The following CAMTA1 variants were observed in gnomAD, a reference collection of about 807,000 sequenced individuals.
CAMTA1 encodes the protein calmodulin-binding transcription activator 1.
Under a neutral mutation model 170.9 loss-of-function variants are expected in CAMTA1, and 27 were observed. That is an observed-to-expected ratio of 0.16 (90% CI 0.12 to 0.22). The LOEUF is 0.22. Ranked by LOEUF, CAMTA1 falls within the 10% of genes least tolerant of loss-of-function variation. The probability of loss-of-function intolerance (pLI) is 1.00; values close to 1 mark genes in which losing one functional copy is unlikely to be tolerated. For synonymous variants in CAMTA1, 833 were observed against 891.5 expected, an observed-to-expected ratio of 0.93 and a Z score of 1.17; for missense variants, 1,619 against 2,217.2, an observed-to-expected ratio of 0.73 and a Z score of 5.42.
At chr1:7,517,769 C>T (rs185169210) in intron 6 of CAMTA1, among the ~76,000 whole-genome samples, 8 of 151,996 alleles carry the variant, frequency 5.3e-5, no homozygotes, top group Admixed American at 3.3e-4. Flanking sequence ...GGAGAGAACA[C>T]GATATCCATT....
At position 7,455,348 on chromosome 1, in the gene CAMTA1, G is replaced by A. The variant is rs533176985; in HGVS notation, c.439-12482G>A. Among the ~76,000 whole-genome samples the A allele has an allele frequency of 1.3e-5, 2 of 152,184 alleles. No individual in the cohort carries two copies. The highest frequency in any genetic ancestry group is 2.4e-5 in the African/African-American group (1 of 41,436). ...CTTGAGAAAAAATCGGGAAAAGGCCGATTCCCTCTGCCCAGCCCATTAATT... is the reference window on the plus strand; with the variant it reads ...CTTGAGAAAAAATCGGGAAAAGGCCAATTCCCTCTGCCCAGCCCATTAATT... On this transcript the variant is annotated intron_variant, in intron 5 of 22. Transcript: ENST00000303635. The surrounding 1 kb of genome is among the most constrained non-coding windows in gnomAD (Gnocchi z 5.0).
intron 4 of CAMTA1, among the ~76,000 whole-genome samples, chr1:7,182,842 C>T (rs1224173295): frequency 1.3e-5 from 2 of 152,168 alleles, no homozygotes. Flanking sequence ...AGATGTTCAA[C>T]ATCACTCATA....
intron 12 of CAMTA1, among the ~76,000 whole-genome samples, chr1:7,734,795 A>G (rs778553144): frequency 6.6e-6 from 1 of 152,216 alleles, no homozygotes; most frequent in Non-Finnish European, 1.5e-5. Flanking sequence ...GCGAGGAGCC[A>G]TAGTATTTCT....
intron 6 of CAMTA1, among the ~76,000 whole-genome samples, chr1:7,564,220 C>T (rs562590864): frequency 6.6e-6 from 1 of 152,208 alleles, no homozygotes; most frequent in Non-Finnish European, 1.5e-5. Flanking sequence ...GTAGGGCTGG[C>T]CTTTGTCACT....
intron 5 of CAMTA1, among the ~76,000 whole-genome samples, chr1:7,354,893 G>A (rs1467655656): frequency 2.0e-5 from 3 of 152,102 alleles, no homozygotes; most frequent in African/African-American, 7.2e-5. Context: ...TCCATCGGAT[G>A]TATGCCTTCC....
chr1:7,058,405 G>A (rs1235994135), intron 3 of CAMTA1, among the ~76,000 whole-genome samples: 1 of 152,202 alleles, frequency 6.6e-6, no homozygotes, highest in Non-Finnish European at 1.5e-5. Flanking sequence ...TGCCTGTGGA[G>A]TCGTCACCTG....
At chr1:7,219,565 A>T (rs1660364847) in intron 4 of CAMTA1, 1 of 150,332 alleles carries the variant, frequency 6.7e-6, no homozygotes, top group Non-Finnish European at 1.5e-5. Flanking sequence ...AAAAAAAAAA[A>T]AAAAAAAGGA....
At position 7,736,948 on chromosome 1, in the gene CAMTA1, G is replaced by A; in HGVS notation, c.3281G>A (p.Ser1094Asn). Residue 1094 changes from serine to asparagine, a missense_variant, in exon 14 of 23, where the codon AGC becomes AAC. Coordinates refer to ENST00000303635, the MANE Select transcript of CAMTA1 (RefSeq NM_015215.4). This position sits in a 1 kb window ranked among gnomAD's most constrained non-coding sequence, Gnocchi z 4.5. Reference sequence around the variant, plus strand: ...CCTTATAGTACAAAGCACGCGGATAGCATTGACCTGGAACTGGAAGTTGAC... The same window carrying A: ...CCTTATAGTACAAAGCACGCGGATAACATTGACCTGGAACTGGAAGTTGAC... ...LIKWRTKHAD[S>N]IDLELEVDPL... 2 of 1,613,340 alleles carry A rather than the reference G, an allele frequency of 1.2e-6. No individual in the cohort carries two copies. The highest frequency in any genetic ancestry group is 1.7e-6 in the Non-Finnish European group (2 of 1,179,682).
rs575325155 is a variant in CAMTA1 at position 7,095,067 on chromosome 1, C to T, written c.302+3696C>T. Among the ~76,000 whole-genome samples, 6 of 151,692 alleles carry T rather than the reference C, an allele frequency of 4.0e-5. No individual in the cohort carries two copies. The South Asian group carries it at 1.1e-3, about 27-fold the overall frequency. On this transcript the variant is annotated intron_variant, in intron 4 of 22. Coordinates refer to ENST00000303635, the MANE Select transcript of CAMTA1 (RefSeq NM_015215.4). ...TCACCCCCACCCCCACCCAGCCAGC[C>T]CCCTTTCCTCCTTTCTTGTTTTACG...
Position 7,736,677 on chromosome 1 carries a change from G to T in CAMTA1, c.3263+137G>T. 1 of 857,060 alleles carries T rather than the reference G, an allele frequency of 1.2e-6. No individual in the cohort carries two copies. Among genetic ancestry groups the T allele is most frequent in the African/African-American group, 1.7e-5 (1 of 59,030 alleles). 53.1% of individuals were successfully genotyped at this position (857,060 alleles called of 1,614,324 possible). A position where few individuals can be genotyped will look rare whatever the true frequency, so the allele number is the denominator to read the frequency against. On this transcript the variant is annotated intron_variant, in intron 13 of 22. Transcript: ENST00000303635. The surrounding 1 kb of genome is among the most constrained non-coding windows in gnomAD (Gnocchi z 4.5). Reference sequence around the variant, plus strand: ...CGGCGAGCAAAGGGCTTTGTCCTTGGACAGTTTCCAAGGGAGTTTTATAAA... The same window carrying T: ...CGGCGAGCAAAGGGCTTTGTCCTTGTACAGTTTCCAAGGGAGTTTTATAAA...
At chr1:7,103,386 C>T (rs191833722) in intron 4 of CAMTA1, among the ~76,000 whole-genome samples, 10 of 147,200 alleles carry the variant, frequency 6.8e-5, no homozygotes, top group South Asian at 4.3e-4. Context: ...CAACTACACA[C>T]GTACACACAA....
chr1:6,804,169 C>A (rs1311266143), intron 1 of CAMTA1, among the ~76,000 whole-genome samples: 1 of 145,712 alleles, frequency 6.9e-6, no homozygotes, highest in Non-Finnish European at 1.5e-5. Context: ...GGGAAACGAG[C>A]GAAACTCTTT....
At chr1:7,457,962 G>A (rs537494243) in intron 5 of CAMTA1, among the ~76,000 whole-genome samples, 8 of 152,280 alleles carry the variant, frequency 5.3e-5, no homozygotes, top group East Asian at 1.9e-4. Context: ...CCAGAGGCCC[G>A]CAGGCACTTT....
At chr1:7,371,867 A>G (rs536132781) in intron 5 of CAMTA1, among the ~76,000 whole-genome samples, 25 of 152,166 alleles carry the variant, frequency 1.6e-4, no homozygotes, top group Non-Finnish European at 3.2e-4. Context: ...TACCATGACT[A>G]GGAAGTAGAG....
intron 5 of CAMTA1, among the ~76,000 whole-genome samples, chr1:7,451,196 T>G (rs1026475897): frequency 2.6e-5 from 4 of 152,178 alleles, no homozygotes; most frequent in African/African-American, 7.2e-5. Flanking sequence ...TGACAGCCAT[T>G]TGCATGATGT....
intron 4 of CAMTA1, among the ~76,000 whole-genome samples, chr1:7,181,435 G>A (rs1652133036): frequency 6.6e-6 from 1 of 152,120 alleles, no homozygotes; most frequent in Non-Finnish European, 1.5e-5. Context: ...TAGAAAAGAA[G>A]AACCAGAACT....
intron 22 of CAMTA1, among the ~76,000 whole-genome samples, chr1:7,758,661 C>T (rs1193903374): frequency 2.0e-5 from 3 of 152,238 alleles, no homozygotes; most frequent in South Asian, 2.1e-4. Flanking sequence ...TTGGGCCGGG[C>T]GCGGTGGCTT....
chr1:6,898,248 T>C (rs183773134), intron 3 of CAMTA1, among the ~76,000 whole-genome samples: 155 of 151,898 alleles, frequency 1.0e-3, no homozygotes, highest in African/African-American at 3.6e-3. Flanking sequence ...TCAGATACAG[T>C]GATAGAAGGA....
chr1:6,995,723 A>AGAG (rs907968739), intron 3 of CAMTA1, among the ~76,000 whole-genome samples: 2 of 152,186 alleles, frequency 1.3e-5, no homozygotes, highest in African/African-American at 4.8e-5. Flanking sequence ...TACAATTCCA[A>AGAG]GAGGAAGGGG....
Sources: allele counts gnomAD v4.1 joint callset (sites outside exome capture counted in the v4.1 genomes callset), GRCh38; gene constraint gnomAD v4.1.1; non-coding constraint Gnocchi (gnomAD v3.1); transcripts MANE v1.5; gene names NCBI Gene and HGNC (gene_info 2026-07-23, HGNC 2026-07-21).